Variants in PTPRZ1 observed in about 807,000 individuals in gnomAD.
The protein encoded by PTPRZ1 is protein tyrosine phosphatase receptor type Z1.
PTPRZ1 carries 82 observed loss-of-function variants against 214.1 expected under a neutral mutation model. The ratio of observed to expected loss-of-function variants is 0.38; its 90% CI spans 0.32 to 0.46. The LOEUF is 0.46. PTPRZ1 is among the 20% of genes least tolerant of loss of function. The pLI is 1.00. For synonymous variants in PTPRZ1, 945 were observed against 987.9 expected (o/e 0.96, Z 0.81); for missense variants, 2,603 against 2,748.7 (o/e 0.95, Z 1.19).
chr7:121,957,878 T>C (rs981009274), intron 2 of PTPRZ1, among the ~76,000 whole-genome samples: 1 of 152,192 alleles, frequency 6.6e-6, no homozygotes, highest in Non-Finnish European at 1.5e-5. Flanking sequence ...GCTAAATCCA[T>C]ATGAATACAT....
intron 2 of PTPRZ1, among the ~76,000 whole-genome samples, chr7:121,961,912 T>C (rs923223198): frequency 6.6e-6 from 1 of 152,222 alleles, no homozygotes; most frequent in Admixed American, 6.5e-5. Flanking sequence ...AGGTTAATTC[T>C]CTGGAGCTCC....
chr7:121,977,868 G>C (rs1797490970), intron 6 of PTPRZ1, among the ~76,000 whole-genome samples: 1 of 152,074 alleles, frequency 6.6e-6, no homozygotes. Flanking sequence ...AAAACAACTT[G>C]TTTGAATTCC....
chr7:121,986,908 T>C (rs1439825837), intron 8 of PTPRZ1, among the ~76,000 whole-genome samples: 1 of 152,150 alleles, frequency 6.6e-6, no homozygotes, highest in Non-Finnish European at 1.5e-5. Flanking sequence ...CTCAAGAAAA[T>C]CCAGTCACAC....
At chr7:121,931,906 C>T (rs1795936927) in intron 2 of PTPRZ1, among the ~76,000 whole-genome samples, 1 of 151,866 alleles carries the variant, frequency 6.6e-6, no homozygotes, top group Non-Finnish European at 1.5e-5. Context: ...GGGATAGACT[C>T]ATTAAAGCGT....
chr7:121,919,804 ATCTG>A (rs78616141), intron 1 of PTPRZ1, among the ~76,000 whole-genome samples: 56,688 of 151,386 alleles, frequency 0.37, 11,100 homozygotes, highest in African/African-American at 0.49. Context: ...TTTTCTATTG[ATCTG>A]TCTATCAATT....
intron 6 of PTPRZ1, among the ~76,000 whole-genome samples, chr7:121,977,262 T>C (rs1346881177): frequency 2.6e-5 from 4 of 152,202 alleles, no homozygotes; most frequent in African/African-American, 9.6e-5. Context: ...TTAAAATTTA[T>C]TCCCTGGTGG....
intron 18 of PTPRZ1, among the ~76,000 whole-genome samples, chr7:122,038,492 A>C (rs544232456): frequency 1.6e-4 from 24 of 150,866 alleles, no homozygotes; most frequent in African/African-American, 5.6e-4. Context: ...AGTTGTGTCA[A>C]AGCAAAGAGA....
rs144692047 is a variant in PTPRZ1 at position 122,010,863 on chromosome 7, G to A, written c.1817G>A (p.Gly606Glu). Residue 606 changes from glycine (G) to glutamate (E), a missense_variant, in exon 12 of 30, where the codon GGG becomes GAG. Around this residue, in one of 6 missense-constraint regions of PTPRZ1, gnomAD observed 1,913 missense variants for 1,914.3 expected, o/e 1.00. Transcript: ENST00000393386. ...IPFISENISQ[G>E]YIFSSENPET... is the part of the protein sequence containing the mutation. The stretch of plus-strand genomic sequence containing the variant: ...TTCATCTCTGAGAACATATCCCAAG[G>A]GTATATATTTTCCTCCGAAAACCCA... 646 of 1,613,836 alleles carry A rather than the reference G, an allele frequency of 4.0e-4. 2 individuals are homozygous for A. Among genetic ancestry groups the A allele is most frequent in the Non-Finnish European group, 5.1e-4 (600 of 1,179,954 alleles).
At chr7:122,028,668 A>G (rs746096321) in intron 14 of PTPRZ1, 25 bp downstream of exon 14, 3 of 1,467,386 alleles carry the variant, frequency 2.0e-6, no homozygotes, top group Non-Finnish European at 2.9e-6. Flanking sequence ...TGTGACCATG[A>G]GTAGCTGGTA....
Position 122,037,089 on chromosome 7 carries a change from G to A in PTPRZ1, c.5367+407G>A, listed in dbSNP as rs987365058. On this transcript the variant is annotated intron_variant, in intron 18 of 29. Coordinates refer to ENST00000393386, the MANE Select transcript of PTPRZ1 (RefSeq NM_002851.3). ...AGATCGAGACCATCCTAGCTAACACGGTGAAACCCCATCTCTACTAAAAAT... is the reference window on the plus strand; with the variant it reads ...AGATCGAGACCATCCTAGCTAACACAGTGAAACCCCATCTCTACTAAAAAT... Among the ~76,000 whole-genome samples the A allele has an allele frequency of 5.9e-5, 9 of 151,998 alleles. No homozygotes were observed. In the East Asian group the frequency reaches 7.8e-4, roughly 13 times the overall value.
At chr7:121,908,921 A>G in intron 1 of PTPRZ1, 1 of 516,976 alleles carries the variant, frequency 1.9e-6, no homozygotes, top group Non-Finnish European at 3.9e-6. Context: ...TGAATATCTC[A>G]TGGGAATTCA....
At chr7:121,947,904 C>T (rs752546492) in intron 2 of PTPRZ1, among the ~76,000 whole-genome samples, 9 of 152,030 alleles carry the variant, frequency 5.9e-5, no homozygotes, top group Admixed American at 1.3e-4. Flanking sequence ...TGGAATTTCA[C>T]GCACTATTGA....
intron 10 of PTPRZ1, among the ~76,000 whole-genome samples, chr7:122,001,718 ATT>A (rs1462109385): frequency 2.6e-5 from 4 of 152,166 alleles, no homozygotes; most frequent in Non-Finnish European, 5.9e-5. Flanking sequence ...GTTATAGAAA[ATT>A]AATGTGTTCC....
chr7:121,922,908 C>T (rs1183278347), intron 1 of PTPRZ1, among the ~76,000 whole-genome samples: 1 of 151,970 alleles, frequency 6.6e-6, no homozygotes, highest in East Asian at 1.9e-4. Flanking sequence ...GAAATTTTTC[C>T]TCAAAATATA....
intron 1 of PTPRZ1, 135 bp downstream of exon 1, chr7:121,873,692 C>A: frequency 8.9e-7 from 1 of 1,123,036 alleles, no homozygotes; most frequent in Non-Finnish European, 1.3e-6. Flanking sequence ...AACTGGGCTC[C>A]CACGGAGCGG....
intron 1 of PTPRZ1, among the ~76,000 whole-genome samples, chr7:121,906,270 GC>G (rs892220929): frequency 2.6e-5 from 4 of 152,092 alleles, no homozygotes; most frequent in African/African-American, 9.7e-5. Context: ...AATATTTCCT[GC>G]CTTATGAACT....
rs990469055 is a variant in PTPRZ1 at position 121,953,696 on chromosome 7, A to G, written c.125-14255A>G. 4.6e-5 allele frequency among the ~76,000 whole-genome samples: 7 copies of G among 152,314 alleles called. No individual in the cohort carries two copies. The Middle Eastern group carries it at 0.01, about 222-fold the overall frequency. On this transcript the variant is annotated intron_variant, in intron 2 of 29. Transcript: ENST00000393386. ...ACACTGACAACAAATAATTCACCTAAGGAATAGTTCACTTCAGCTATTTTT... is the reference window on the plus strand; with the variant it reads ...ACACTGACAACAAATAATTCACCTAGGGAATAGTTCACTTCAGCTATTTTT...
intron 2 of PTPRZ1, among the ~76,000 whole-genome samples, chr7:121,950,239 T>A (rs920894431): frequency 6.6e-6 from 1 of 152,172 alleles, no homozygotes; most frequent in Non-Finnish European, 1.5e-5. Flanking sequence ...AGGAAAGACT[T>A]GCCCCCATGA....
At chr7:121,982,061 T>C (rs1222105875) in intron 6 of PTPRZ1, among the ~76,000 whole-genome samples, 4 of 152,230 alleles carry the variant, frequency 2.6e-5, no homozygotes, top group Non-Finnish European at 2.9e-5. Flanking sequence ...AGTTTAGAAC[T>C]GATTTGTGCT....
Sources: gnomAD v4.1 joint callset for allele counts (sites outside exome capture counted in the v4.1 genomes callset) on GRCh38, gnomAD v4.1.1 for gene constraint, gnomAD v4.1.1 regional missense constraint, MANE v1.5 for transcripts, NCBI Gene and HGNC (gene_info 2026-07-23, HGNC 2026-07-21) for gene names.